AP2B1: variants seen among roughly 807,000 people sequenced by gnomAD.
AP2B1 encodes the protein AP-2 complex subunit beta.
A neutral mutation model predicts 102.0 loss-of-function variants in AP2B1; 23 were observed. That is an observed-to-expected ratio of 0.23 (90% CI 0.16 to 0.32). The LOEUF (loss-of-function observed/expected upper bound fraction) is 0.32, where lower values mean the gene tolerates loss of function less well. Among genes scored for constraint, AP2B1 ranks in the 10% least tolerant of loss-of-function variants. AP2B1 has a pLI of 1.00. For synonymous variants in AP2B1, 381 were observed against 421.2 expected, an observed-to-expected ratio of 0.90 and a Z score of 1.17; for missense variants, 541 against 1,157.4, an observed-to-expected ratio of 0.47 and a Z score of 7.73.
intron 17 of AP2B1, among the ~76,000 whole-genome samples, chr17:35,675,921 T>C (rs2075691595): frequency 6.6e-6 from 1 of 152,264 alleles, no homozygotes; most frequent in Admixed American, 6.5e-5. Context: ...CTGTTTACTT[T>C]GTCTGAACAG....
At chr17:35,700,765 T>C (rs1232081999) in intron 18 of AP2B1, among the ~76,000 whole-genome samples, 1 of 152,242 alleles carries the variant, frequency 6.6e-6, no homozygotes, top group Non-Finnish European at 1.5e-5. Flanking sequence ...GGAAAGAAAC[T>C]AATTGCTGGT....
At chr17:35,624,653 A>C (rs74670369) in intron 6 of AP2B1, 66 bp downstream of exon 6, 78 of 1,465,750 alleles carry the variant, frequency 5.3e-5, no homozygotes, top group Admixed American at 1.3e-4. Flanking sequence ...GGAGTCTGCT[A>C]TTAGAATAAA....
At chr17:35,683,554 G>C (rs1483304647) in intron 18 of AP2B1, among the ~76,000 whole-genome samples, 1 of 152,138 alleles carries the variant, frequency 6.6e-6, no homozygotes, top group African/African-American at 2.4e-5. Context: ...AATTTTATGT[G>C]GTCTACAAGA....
At chr17:35,687,632 C>T (rs1314756051) in intron 18 of AP2B1, among the ~76,000 whole-genome samples, 1 of 152,052 alleles carries the variant, frequency 6.6e-6, no homozygotes, top group East Asian at 1.9e-4. Context: ...ATTGCAGCCT[C>T]AAACTCCTAG....
At chr17:35,627,797 A>G (rs1432433658) in intron 9 of AP2B1, 71 bp downstream of exon 9, 4 of 1,297,250 alleles carry the variant, frequency 3.1e-6, no homozygotes, top group Middle Eastern at 2.3e-4. Flanking sequence ...TTTCTTTAAA[A>G]TAATTTTTAA....
chr17:35,608,489 G>A, intron 5 of AP2B1, 102 bp downstream of exon 5: 2 of 1,369,762 alleles, frequency 1.5e-6, no homozygotes, highest in Non-Finnish European at 2.0e-6. Flanking sequence ...GGGTTATGGG[G>A]TAGCTATGGG....
intron 5 of AP2B1, among the ~76,000 whole-genome samples, chr17:35,613,704 AGTGG>A (rs2073932968): frequency 6.6e-6 from 1 of 152,226 alleles, no homozygotes; most frequent in Non-Finnish European, 1.5e-5. Context: ...GGAGCTCATA[AGTGG>A]TGGCTGCTAC....
chr17:35,680,240 G>A (rs921924697), intron 17 of AP2B1, among the ~76,000 whole-genome samples: 1 of 152,068 alleles, frequency 6.6e-6, no homozygotes, highest in Non-Finnish European at 1.5e-5. Context: ...TATAAACGTC[G>A]TAGTCCCATC....
intron 20 of AP2B1, among the ~76,000 whole-genome samples, chr17:35,716,876 T>C (rs1555590141): frequency 3.9e-5 from 6 of 152,244 alleles, no homozygotes; most frequent in Non-Finnish European, 8.8e-5. Context: ...CAGAGTCTTC[T>C]TTACCTGTCT....
At chr17:35,682,870 AATTATT>A (rs200828221) in intron 18 of AP2B1, 46 bp downstream of exon 18, 25 of 1,499,018 alleles carry the variant, frequency 1.7e-5, no homozygotes, top group Non-Finnish European at 2.0e-5. Context: ...ATATCTTGAC[AATTATT>A]ATTATTATTA....
intron 18 of AP2B1, among the ~76,000 whole-genome samples, chr17:35,701,678 C>A (rs1458482540): frequency 1.3e-5 from 2 of 152,200 alleles, no homozygotes; most frequent in Non-Finnish European, 2.9e-5. Context: ...TCATAGTTCA[C>A]TGTAACCTTG....
At chr17:35,671,607 GA>G in intron 15 of AP2B1, 146 bp from the exon 16 acceptor site, 1 of 799,328 alleles carries the variant, frequency 1.3e-6, no homozygotes, top group Non-Finnish European at 2.0e-6. Context: ...AAAAGATGAA[GA>G]ATATACTAAT....
intron 6 of AP2B1, among the ~76,000 whole-genome samples, chr17:35,625,981 A>G (rs1462512469): frequency 1.3e-5 from 2 of 152,230 alleles, no homozygotes; most frequent in Non-Finnish European, 2.9e-5. Flanking sequence ...ATAATTAAAT[A>G]TCAACCATTT....
intron 18 of AP2B1, among the ~76,000 whole-genome samples, chr17:35,699,196 T>A (rs2076195216): frequency 6.6e-6 from 1 of 152,200 alleles, no homozygotes; most frequent in East Asian, 1.9e-4. Context: ...TAAAGCCCAA[T>A]AATTATATGT....
chr17:35,591,375 G>A (rs1020299066), intron 1 of AP2B1, among the ~76,000 whole-genome samples: 5 of 152,064 alleles, frequency 3.3e-5, no homozygotes, highest in South Asian at 2.1e-4. Context: ...GTTTCGCCAC[G>A]TTCCCCAGAC....
At chr17:35,635,474 T>C (rs1016785704) in intron 9 of AP2B1, among the ~76,000 whole-genome samples, 2 of 150,228 alleles carry the variant, frequency 1.3e-5, no homozygotes, top group Admixed American at 1.3e-4. Context: ...AACCTCTGCC[T>C]CCTGGATTCA....
At chr17:35,680,686 G>GTTTTTTTTTTTTTTTTTTTTTTTTTTT (rs1167550201) in intron 17 of AP2B1, among the ~76,000 whole-genome samples, 2 of 59,932 alleles carry the variant, frequency 3.3e-5, no homozygotes, top group African/African-American at 1.5e-4. Flanking sequence ...TATGGTTTTG[G>GTTTTTTTTTTTTTTTTTTTTTTTTTTT]TTTTTTTTTT....
intron 21 of AP2B1, among the ~76,000 whole-genome samples, chr17:35,719,709 A>G (rs1555591819): frequency 2.0e-5 from 3 of 152,252 alleles, no homozygotes; most frequent in African/African-American, 7.2e-5. Context: ...GAGAAATTAT[A>G]CAGTGACCTG....
At chr17:35,660,139 G>GTTTGT (rs201238441) in intron 14 of AP2B1, 10 of 931,164 alleles carry the variant, frequency 1.1e-5, no homozygotes, top group Admixed American at 6.2e-5. Flanking sequence ...ACAAGAGAGG[G>GTTTGT]TTTGTTTTGT....
Sources: gnomAD v4.1 joint callset for allele counts (sites outside exome capture counted in the v4.1 genomes callset) on GRCh38, gnomAD v4.1.1 for gene constraint, MANE v1.5 for transcripts, NCBI Gene and HGNC (gene_info 2026-07-23, HGNC 2026-07-21) for gene names.